Variants in SCLY observed in about 807,000 individuals in gnomAD.
SCLY encodes selenocysteine lyase.
In SCLY, 38 loss-of-function variants were observed where a neutral mutation model predicts 50.1. The observed-to-expected ratio is 0.76, with a 90% CI of 0.59 to 0.99. The LOEUF (loss-of-function observed/expected upper bound fraction) is 0.99. Ranked by LOEUF, SCLY falls within the 50% of genes least tolerant of loss-of-function variation. The pLI is 0.00. For synonymous variants in SCLY, 243 were observed against 249.4 expected (o/e 0.97, Z 0.24); for missense variants, 600 against 620.0 (o/e 0.97, Z 0.34).
chr2:238,067,589 CAGGTACCCTGTGGGCGA>C lies in SCLY; in HGVS notation c.203-475_203-459del, dbSNP rs1401310747. On this transcript the variant is annotated intron_variant, in intron 2 of 11. Transcript: ENST00000254663. This position sits in a 1 kb window ranked among gnomAD's most constrained non-coding sequence, Gnocchi z 4.3. ...CCCTGAGACAGTAACCTTTGTAGCC[CAGGTACCCTGTGGGCGA>C]CATGCAAAATGAGATATGGCACTGG... Among the ~76,000 whole-genome samples the C allele has an allele frequency of 2.0e-5, 3 of 152,244 alleles. No homozygotes were observed. The highest frequency in any genetic ancestry group is 7.2e-5 in the African/African-American group (3 of 41,460).
chr2:238,085,234 A>C (rs990473126), intron 7 of SCLY, among the ~76,000 whole-genome samples: 15 of 152,214 alleles, frequency 9.9e-5, no homozygotes, highest in Admixed American at 9.2e-4. Flanking sequence ...CAAGTGAAAC[A>C]AAGTGTCAGC....
At chr2:238,061,931 C>T (rs2065022775) in intron 1 of SCLY, among the ~76,000 whole-genome samples, 1 of 152,114 alleles carries the variant, frequency 6.6e-6, no homozygotes, top group South Asian at 2.1e-4. Flanking sequence ...TGAGCTCATT[C>T]GCTACCCATG....
rs2065072059 is a variant in SCLY at position 238,066,446 on chromosome 2, CAG to C, written c.203-1618_203-1617del. Among the ~76,000 whole-genome samples the C allele has an allele frequency of 6.6e-6, 1 of 152,238 alleles. No individual in the cohort carries two copies. Among genetic ancestry groups the C allele is most frequent in the African/African-American group, 2.4e-5 (1 of 41,458 alleles). On this transcript the variant is annotated intron_variant, in intron 2 of 11. Coordinates refer to ENST00000254663, the MANE Select transcript of SCLY (RefSeq NM_016510.7). The surrounding 1 kb of genome is among the most constrained non-coding windows in gnomAD (Gnocchi z 4.1). ...ACTGACTGAGCACCAGCTGTGTACT[CAG>C]CACCCTGTTGGGGGAGGGATGAAGC... is the stretch of plus-strand genomic sequence containing the variant.
At position 238,069,229 on chromosome 2, in the gene SCLY, G is replaced by T; in HGVS notation, c.304-68G>T. On this transcript the variant is annotated intron_variant, in intron 3 of 11. Transcript: ENST00000254663. The surrounding 1 kb of genome is among the most constrained non-coding windows in gnomAD (Gnocchi z 5.0). The stretch of plus-strand genomic sequence containing the variant: ...TAGCCACAAAAGAAATTAAGTAACA[G>T]AAATTGTTGCTCTGACCCTTACCTC... 7.1e-7 allele frequency: 1 copy of T among 1,401,604 alleles called. No homozygotes were observed. The highest frequency in any genetic ancestry group is 1.4e-5 in the South Asian group (1 of 73,270). 86.8% of individuals were successfully genotyped at this position (1,401,604 alleles called of 1,614,324 possible). A position where few individuals can be genotyped will look rare whatever the true frequency, so the allele number is the denominator to read the frequency against.
intron 8 of SCLY, 62 bp from the exon 9 acceptor site, chr2:238,093,799 C>G (rs188037623): frequency 1.5e-5 from 23 of 1,489,416 alleles, no homozygotes. Context: ...CCGTTGAAAG[C>G]TTTTTGGCCC....
At chr2:238,096,680 G>A in intron 10 of SCLY, 121 bp from the exon 11 acceptor site, 2 of 1,094,176 alleles carry the variant, frequency 1.8e-6, no homozygotes, top group Non-Finnish European at 2.7e-6. Flanking sequence ...GGCCAGTGCT[G>A]GAATTCCACC....
At chr2:238,096,980 T>C in intron 11 of SCLY, 104 bp downstream of exon 11, 1 of 1,150,146 alleles carries the variant, frequency 8.7e-7, no homozygotes, top group Non-Finnish European at 1.2e-6. Context: ...CTCTGGCTGG[T>C]GAAGGACAGC....
chr2:238,078,865 G>A (rs1370273149), intron 4 of SCLY: 1 of 151,492 alleles, frequency 6.6e-6, no homozygotes, highest in East Asian at 1.9e-4. Context: ...TCTAATTGTT[G>A]TATTTTTAGT....
Position 238,096,860 on chromosome 2 carries a change from T to C in SCLY, c.1168T>C (p.Ser390Pro). The change falls in exon 11 of 12, where the codon TCG (serine) becomes CCG (proline). Residue 390 changes from serine (S) to proline (P), a missense_variant. Ser to Pro is a moderately conservative substitution (Grantham distance 74, BLOSUM62 -1). Transcript: ENST00000254663. ...GGCCAGTGTGGGGGCCGCGTGCCAC[T>C]CGGACCACGGGGACCAGTAAGTGCT... ...LMASVGAACH[S>P]DHGDQPSPVL... The C allele has an allele frequency of 6.2e-7, 1 of 1,611,730 alleles. No homozygotes were observed. Among genetic ancestry groups the C allele is most frequent in the Non-Finnish European group, 8.5e-7 (1 of 1,179,152 alleles).
rs776678006 is a variant in SCLY at position 238,081,759 on chromosome 2, G to T, written c.535G>T (p.Asp179Tyr). 6 of 1,614,204 alleles carry T rather than the reference G, an allele frequency of 3.7e-6. No individual in the cohort carries two copies. The South Asian group carries it at 6.6e-5, about 18-fold the overall frequency. The change falls in exon 5 of 12, where the codon GAC (aspartate) becomes TAC (tyrosine). Residue 179 changes from aspartate (D) to tyrosine (Y), a missense_variant. Physicochemically the swap from Asp to Tyr is radical, Grantham distance 160 (BLOSUM62 -3). Transcript: ENST00000254663. Reference protein sequence around the residue: ...SKVSGQAEVDDILAAVRPTTR... With the variant: ...SKVSGQAEVDYILAAVRPTTR... ...GGTGAGCGGGCAGGCAGAGGTGGAC[G>T]ACATCCTCGCGGCAGTCCGCCCGAC...
intron 1 of SCLY, 125 bp downstream of exon 1, chr2:238,061,268 C>A: frequency 1.3e-6 from 1 of 785,328 alleles, no homozygotes; most frequent in Non-Finnish European, 2.2e-6. Context: ...GCGGGGATGT[C>A]CGCGAGGTCG....
intron 9 of SCLY, 45 bp downstream of exon 9, chr2:238,093,989 G>C (rs755991002): frequency 6.4e-7 from 1 of 1,551,002 alleles, no homozygotes; most frequent in Non-Finnish European, 8.8e-7. Flanking sequence ...AGGGTGCGTG[G>C]GGCAGGTGCC....
rs773310582 is a variant in SCLY, at chr2:238,069,479, T to C, written c.484+2T>C. 8.7e-6 allele frequency: 14 copies of C among 1,610,020 alleles called. No individual in the cohort carries two copies. Among genetic ancestry groups the C allele is most frequent in the Admixed American group, 1.7e-5 (1 of 59,248 alleles). On this transcript the variant is annotated splice_donor_variant, in intron 4 of 11. Coordinates refer to ENST00000254663, the MANE Select transcript of SCLY (RefSeq NM_016510.7). LOFTEE classifies it high-confidence loss of function. The surrounding 1 kb of genome is among the most constrained non-coding windows in gnomAD (Gnocchi z 5.0). ...ACCTGGTGGAAGAACAAGTGGCAGG[T>C]GAGTGAGTGCAGGGTGGCCCTGGGA...
At chr2:238,065,849 A>AT (rs932495593) in intron 2 of SCLY, among the ~76,000 whole-genome samples, 64 of 151,702 alleles carry the variant, frequency 4.2e-4, no homozygotes, top group Admixed American at 4.1e-3. Context: ...TAATTTTTGT[A>AT]TTTTTAGTAG....
At position 238,084,169 on chromosome 2, in the gene SCLY, G is replaced by T. The variant is rs952761467; in HGVS notation, c.884+815G>T. Among the ~76,000 whole-genome samples the T allele has an allele frequency of 4.6e-5, 7 of 152,324 alleles. No individual in the cohort carries two copies. In the East Asian group the frequency reaches 1.4e-3, roughly 29 times the overall value. On this transcript the variant is annotated intron_variant, in intron 7 of 11. Coordinates refer to ENST00000254663, the MANE Select transcript of SCLY (RefSeq NM_016510.7). Reference sequence around the variant, plus strand: ...CACCACCACCGGGTGTGTCAAGAAGGCCAGGTAGAGAACCGGGACTTAGGC... The same window carrying T: ...CACCACCACCGGGTGTGTCAAGAAGTCCAGGTAGAGAACCGGGACTTAGGC...
At chr2:238,089,120 G>A (rs986083032) in intron 7 of SCLY, among the ~76,000 whole-genome samples, 4 of 152,120 alleles carry the variant, frequency 2.6e-5, no homozygotes, top group South Asian at 4.1e-4. Flanking sequence ...TTTATATAGT[G>A]GTAATGAACA....
chr2:238,093,985 C>A, intron 9 of SCLY, 41 bp downstream of exon 9: 1 of 1,562,514 alleles, frequency 6.4e-7, no homozygotes, highest in Non-Finnish European at 8.8e-7. Context: ...GGGGAGGGTG[C>A]GTGGGGCAGG....
chr2:238,072,154 CTT>C (rs2065134430), intron 4 of SCLY, among the ~76,000 whole-genome samples: 1 of 152,120 alleles, frequency 6.6e-6, no homozygotes, highest in Non-Finnish European at 1.5e-5. Flanking sequence ...ATAACGTGCT[CTT>C]TTTGACGGGC....
At chr2:238,091,514 T>A in intron 8 of SCLY, 2 of 497,512 alleles carry the variant, frequency 4.0e-6, no homozygotes, top group Non-Finnish European at 7.4e-6. Context: ...AGTGATACTG[T>A]TACAGCAGAG....
Sources: gnomAD v4.1 joint callset for allele counts (sites outside exome capture counted in the v4.1 genomes callset) on GRCh38, gnomAD v4.1.1 for gene constraint, Gnocchi (gnomAD v3.1) non-coding constraint, MANE v1.5 for transcripts, NCBI Gene and HGNC (gene_info 2026-07-23, HGNC 2026-07-21) for gene names.